TMEM266: variants seen among roughly 807,000 people sequenced by gnomAD.
TMEM266 encodes the protein transmembrane protein 266.
A neutral mutation model predicts 50.5 loss-of-function variants in TMEM266; 33 were observed. That is an observed-to-expected ratio of 0.65 (90% CI 0.50 to 0.87). The LOEUF (loss-of-function observed/expected upper bound fraction) is 0.87, where lower values mean the gene tolerates loss of function less well. Ranked by LOEUF, TMEM266 falls within the 40% of genes least tolerant of loss-of-function variation. The pLI is 0.00. For synonymous variants in TMEM266, 310 were observed against 292.3 expected (o/e 1.06, Z -0.62); for missense variants, 655 against 695.1 (o/e 0.94, Z 0.65).
At chr15:76,164,783 G>A (rs1271011484) in intron 5 of TMEM266, among the ~76,000 whole-genome samples, 1 of 152,186 alleles carries the variant, frequency 6.6e-6, no homozygotes, top group Non-Finnish European at 1.5e-5. Context: ...CCAACCCACT[G>A]CCGACAGTGT....
At chr15:76,092,689 C>CTAAA (rs1167853401) in intron 1 of TMEM266, among the ~76,000 whole-genome samples, 6 of 150,756 alleles carry the variant, frequency 4.0e-5, no homozygotes, top group Admixed American at 1.3e-4. Context: ...GACTCCATCT[C>CTAAA]TAAATAAATA....
At position 76,160,542 on chromosome 15, in the gene TMEM266, C is replaced by T. The variant is rs762949291; in HGVS notation, c.456+374C>T. 6.6e-6 allele frequency among the ~76,000 whole-genome samples: 1 copy of T among 152,306 alleles called. No homozygotes were observed. Among genetic ancestry groups the T allele is most frequent in the Admixed American group, 6.5e-5 (1 of 15,298 alleles). On this transcript the variant is annotated intron_variant, in intron 5 of 10. Transcript: ENST00000388942. The surrounding 1 kb of genome is among the most constrained non-coding windows in gnomAD (Gnocchi z 5.7). ...GTGAGGCTGAAGCCAGGTGCCCACA[C>T]AGGGAAGCTCTTGGGCCGCTGTGGC...
chr15:76,162,367 C>G (rs2038031679), intron 5 of TMEM266, among the ~76,000 whole-genome samples: 1 of 152,232 alleles, frequency 6.6e-6, no homozygotes, highest in African/African-American at 2.4e-5. Flanking sequence ...CACAGATTTC[C>G]ATGGTCTTGC....
chr15:76,107,978 T>G (rs1194325446), intron 1 of TMEM266, among the ~76,000 whole-genome samples: 4 of 152,206 alleles, frequency 2.6e-5, no homozygotes, highest in Admixed American at 6.5e-5. Context: ...CCTCAGAACT[T>G]GCCATACATC....
chr15:76,076,954 TTTGTTGTTG>T (rs778630527), intron 1 of TMEM266, among the ~76,000 whole-genome samples: 4 of 151,724 alleles, frequency 2.6e-5, no homozygotes, highest in African/African-American at 9.7e-5. Flanking sequence ...TTTTTGTTTG[TTTGTTGTTG>T]TTGTTGTTGT....
chr15:76,080,523 A>G (rs901668474), intron 1 of TMEM266, among the ~76,000 whole-genome samples: 3 of 151,682 alleles, frequency 2.0e-5, no homozygotes, highest in Non-Finnish European at 4.4e-5. Context: ...TGCTGGGATT[A>G]CAGGCGTGAG....
At chr15:76,180,119 A>C (rs529173500) in intron 8 of TMEM266, among the ~76,000 whole-genome samples, 7 of 152,318 alleles carry the variant, frequency 4.6e-5, no homozygotes, top group African/African-American at 1.7e-4. Context: ...AAAAATAGTG[A>C]AGCAGGTGCA....
chr15:76,173,334 C>T (rs1042667203), intron 7 of TMEM266, among the ~76,000 whole-genome samples: 12 of 152,050 alleles, frequency 7.9e-5, no homozygotes, highest in Non-Finnish European at 2.9e-5. Context: ...GGCATGTGAC[C>T]GAGGCTTCTG....
chr15:76,154,529 CCT>C (rs2037894537), intron 3 of TMEM266, among the ~76,000 whole-genome samples: 1 of 152,018 alleles, frequency 6.6e-6, no homozygotes, highest in Non-Finnish European at 1.5e-5. Context: ...AATGGAAAAC[CCT>C]CTCTTTTGAC....
chr15:76,080,249 C>T (rs527881891), intron 1 of TMEM266, among the ~76,000 whole-genome samples: 1 of 25,836 alleles, frequency 3.9e-5, no homozygotes, highest in Non-Finnish European at 8.2e-5. Context: ...TGCCCGTAAT[C>T]CCAGCTATCC....
At chr15:76,122,375 C>A (rs2037359435) in intron 1 of TMEM266, among the ~76,000 whole-genome samples, 1 of 152,166 alleles carries the variant, frequency 6.6e-6, no homozygotes, top group Non-Finnish European at 1.5e-5. Flanking sequence ...GGCATTGATA[C>A]AATGCAGGTA....
At chr15:76,136,968 G>C (rs2037599551) in intron 2 of TMEM266, among the ~76,000 whole-genome samples, 1 of 152,192 alleles carries the variant, frequency 6.6e-6, no homozygotes, top group Non-Finnish European at 1.5e-5. Context: ...AGATGCCCGG[G>C]AATGCCACTG....
intron 1 of TMEM266, among the ~76,000 whole-genome samples, chr15:76,074,524 G>A (rs994550218): frequency 5.3e-5 from 8 of 151,998 alleles, no homozygotes; most frequent in Non-Finnish European, 1.0e-4. Flanking sequence ...ATGTTTTAAT[G>A]TATTATATGT....
At position 76,168,916 on chromosome 15, in the gene TMEM266, G is replaced by A. The variant is rs916155076; in HGVS notation, c.457-900G>A. On this transcript the variant is annotated intron_variant, in intron 5 of 10. Coordinates refer to ENST00000388942, the MANE Select transcript of TMEM266 (RefSeq NM_152335.3). This position sits in a 1 kb window ranked among gnomAD's most constrained non-coding sequence, Gnocchi z 4.4. ...AGAAGGACAGGAAGGGGAAAGCCCT[G>A]CTGGCTTAGGCACAGGCCAAGCTGC... Among the ~76,000 whole-genome samples, 1 of 152,258 alleles carries A rather than the reference G, an allele frequency of 6.6e-6. No individual in the cohort carries two copies. The highest frequency in any genetic ancestry group is 2.4e-5 in the African/African-American group (1 of 41,474).
At chr15:76,156,533 C>A in intron 3 of TMEM266, 71 bp from the exon 4 acceptor site, 2 of 1,536,678 alleles carry the variant, frequency 1.3e-6, no homozygotes, top group Non-Finnish European at 8.9e-7. Context: ...GAGAGCAGGG[C>A]TTTGGCCGGG....
chr15:76,091,693 G>C (rs1022281740), intron 1 of TMEM266, among the ~76,000 whole-genome samples: 1 of 151,612 alleles, frequency 6.6e-6, no homozygotes, highest in Non-Finnish European at 1.5e-5. Flanking sequence ...GAAGGATAAA[G>C]AAAAACCTAT....
At chr15:76,137,238 T>G (rs1023216022) in intron 2 of TMEM266, among the ~76,000 whole-genome samples, 29 of 152,330 alleles carry the variant, frequency 1.9e-4, no homozygotes, top group African/African-American at 7.0e-4. Flanking sequence ...CATCCAGTTG[T>G]GAACAGAAAC....
intron 3 of TMEM266, among the ~76,000 whole-genome samples, chr15:76,146,225 C>T (rs1187356129): frequency 2.0e-5 from 3 of 152,116 alleles, no homozygotes; most frequent in Non-Finnish European, 4.4e-5. Context: ...GTCGTCACCC[C>T]CACTTTATAA....
At chr15:76,150,885 T>C (rs2037830400) in intron 3 of TMEM266, among the ~76,000 whole-genome samples, 1 of 152,254 alleles carries the variant, frequency 6.6e-6, no homozygotes, top group Non-Finnish European at 1.5e-5. Context: ...ATTTATTCTT[T>C]GAATTTTTTA....
Sources: gnomAD v4.1 joint callset for allele counts (sites outside exome capture counted in the v4.1 genomes callset) on GRCh38, gnomAD v4.1.1 for gene constraint, Gnocchi (gnomAD v3.1) non-coding constraint, MANE v1.5 for transcripts, NCBI Gene and HGNC (gene_info 2026-07-23, HGNC 2026-07-21) for gene names.